MMS22L: variants seen among roughly 807,000 people sequenced by gnomAD.
MMS22L encodes protein MMS22-like.
A neutral mutation model predicts 159.1 loss-of-function variants in MMS22L; 74 were observed. That is an observed-to-expected ratio of 0.47 (90% confidence interval 0.39 to 0.56). The LOEUF (loss-of-function observed/expected upper bound fraction) is 0.56, where lower values mean the gene tolerates loss of function less well. MMS22L is among the 20% of genes least tolerant of loss of function. The pLI is 0.00. For missense variants in MMS22L, 1,351 were observed against 1,422.1 expected (o/e 0.95, Z 0.80); for synonymous variants, 517 against 506.9 (o/e 1.02, Z -0.27).
Position 97,149,882 on chromosome 6 carries a change from T to A in MMS22L, c.3621A>T (p.Lys1207Asn). The A allele has an allele frequency of 6.2e-7, 1 of 1,612,688 alleles. No individual in the cohort carries two copies. Among genetic ancestry groups the A allele is most frequent in the Non-Finnish European group, 8.5e-7 (1 of 1,179,258 alleles). The part of the protein sequence containing the change: ...LTQSLKDSEQ[K>N]WGLGRNIAQR... ...GTGCTATATTCCTGCCAAGGCCCCA[T>A]TTCTGCTCTGAATCCTTCAGAGACT... Residue 1207 changes from lysine (K) to asparagine (N), a missense_variant, in exon 24 of 25, where the codon AAA (lysine) becomes AAT (asparagine). Transcript: ENST00000683635.
chr6:97,261,961 A>C, intron 9 of MMS22L: 1 of 152,164 alleles, frequency 6.6e-6, no homozygotes. Flanking sequence ...TCAGTCTGTA[A>C]ACCCACATAA....
At chr6:97,268,945 G>A (rs77638167) in intron 7 of MMS22L, among the ~76,000 whole-genome samples, 4,285 of 151,834 alleles carry the variant, frequency 0.028, 280 homozygotes, top group East Asian at 0.21. Context: ...TAACAGAAAA[G>A]CAGGTGTAGG....
intron 9 of MMS22L, 60 bp from the exon 10 acceptor site, chr6:97,254,793 G>C: frequency 7.3e-7 from 1 of 1,362,856 alleles, no homozygotes; most frequent in Non-Finnish European, 9.8e-7. Context: ...TTGATTTCGT[G>C]GTTTTTCTCT....
intron 9 of MMS22L, chr6:97,260,977 T>C (rs1814409438): frequency 6.6e-6 from 1 of 152,136 alleles, no homozygotes; most frequent in South Asian, 2.1e-4. Context: ...CAATCACCAA[T>C]GGGTACCATG....
At chr6:97,151,633 T>A in intron 23 of MMS22L, 138 bp downstream of exon 23, 3 of 682,912 alleles carry the variant, frequency 4.4e-6, no homozygotes, top group South Asian at 4.1e-5. Context: ...ACAAAACTAC[T>A]GCCAAAAATA....
rs193185625 is a variant in MMS22L, at chr6:97,166,731, G to C, written c.3010-1274C>G. On this transcript the variant is annotated intron_variant, in intron 20 of 24. Coordinates refer to ENST00000683635, the MANE Select transcript of MMS22L (RefSeq NM_001350599.2). ...TAAATTTACCACTTACGAAGCTTAA[G>C]AGAATTCTTATTAAATGGACTGTTT... Among the ~76,000 whole-genome samples the C allele has an allele frequency of 2.4e-4, 37 of 152,224 alleles. No homozygotes were observed. The East Asian group carries it at 6.6e-3, about 27-fold the overall frequency.
At chr6:97,235,575 G>A (rs1240366977) in intron 11 of MMS22L, among the ~76,000 whole-genome samples, 3 of 152,172 alleles carry the variant, frequency 2.0e-5, no homozygotes, top group Non-Finnish European at 4.4e-5. Flanking sequence ...TCAGAAAAAC[G>A]ACAATGGTGA....
chr6:97,172,983 C>T, intron 19 of MMS22L, 80 bp downstream of exon 19: 1 of 1,353,166 alleles, frequency 7.4e-7, no homozygotes, highest in Non-Finnish European at 1.0e-6. Context: ...GTGATTTAGC[C>T]AATATATACC....
intron 22 of MMS22L, among the ~76,000 whole-genome samples, chr6:97,155,579 TTG>T (rs1239683108): frequency 6.6e-6 from 1 of 152,154 alleles, no homozygotes; most frequent in Non-Finnish European, 1.5e-5. Context: ...TTTTCTCTTC[TTG>T]TGTTAGTTTG....
chr6:97,268,430 T>C (rs866855363), intron 7 of MMS22L, among the ~76,000 whole-genome samples: 11 of 152,134 alleles, frequency 7.2e-5, no homozygotes, highest in Non-Finnish European at 1.6e-4. Context: ...CCTTGTGATC[T>C]GCCCACCTTG....
At chr6:97,203,353 G>A (rs1042779461) in intron 14 of MMS22L, among the ~76,000 whole-genome samples, 2 of 151,936 alleles carry the variant, frequency 1.3e-5, no homozygotes, top group South Asian at 4.2e-4. Context: ...AATATACAGC[G>A]AGACAAAGGG....
intron 11 of MMS22L, among the ~76,000 whole-genome samples, chr6:97,238,605 T>TGTGTGTG (rs1562493371): frequency 7.5e-5 from 9 of 119,872 alleles, no homozygotes; most frequent in African/African-American, 2.4e-4. Flanking sequence ...GTGTGTGTGT[T>TGTGTGTG]TGAGTGTATC....
intron 14 of MMS22L, among the ~76,000 whole-genome samples, chr6:97,195,247 GAAC>G (rs780329286): frequency 3.9e-5 from 6 of 152,106 alleles, no homozygotes; most frequent in East Asian, 1.9e-4. Context: ...CAGACTCAAG[GAAC>G]AACAACCAGG....
rs554591209 is a variant in MMS22L, at chr6:97,182,058, G to C, written c.2234-4C>G. ...TCCATTGCTAGCAAAGTAAAGTCTA[G>C]ATTCAAAATGAGAGAAACTTAAAGT... On this transcript the variant is annotated splice_region_variant and splice_polypyrimidine_tract_variant and intron_variant, in intron 15 of 24. Coordinates refer to ENST00000683635, the MANE Select transcript of MMS22L (RefSeq NM_001350599.2). 27 of 1,602,502 alleles carry C rather than the reference G, an allele frequency of 1.7e-5. No individual in the cohort carries two copies. In the African/African-American group the frequency reaches 3.2e-4, roughly 19 times the overall value.
chr6:97,257,832 T>C (rs1813993028), intron 9 of MMS22L, among the ~76,000 whole-genome samples: 1 of 152,220 alleles, frequency 6.6e-6, no homozygotes, highest in South Asian at 2.1e-4. Flanking sequence ...CCACATTTTC[T>C]GTACTATAAA....
In MMS22L at chr6:97,151,867, A is replaced by C; in HGVS notation, c.3386T>G (p.Val1129Gly). The change falls in exon 23 of 25, where the codon GTT becomes GGT. Residue 1129 changes from valine to glycine, a missense_variant and splice_region_variant. Transcript: ENST00000683635. ...CAGGTTCTCTGTGGCCAGCCTTTTAACTAGAAGGAAAAATTACAGCATTAG... is the reference window on the plus strand; with the variant it reads ...CAGGTTCTCTGTGGCCAGCCTTTTACCTAGAAGGAAAAATTACAGCATTAG... Reference protein sequence around the residue: ...KCLVLVSEPQVKRLATENLQY... With the variant: ...KCLVLVSEPQGKRLATENLQY... 6.2e-7 allele frequency: 1 copy of C among 1,613,054 alleles called. No homozygotes were observed. Among genetic ancestry groups the C allele is most frequent in the Non-Finnish European group, 8.5e-7 (1 of 1,179,216 alleles).
chr6:97,258,737 C>T (rs926141965), intron 9 of MMS22L: 10 of 152,158 alleles, frequency 6.6e-5, no homozygotes, highest in African/African-American at 2.4e-4. Context: ...CTAATCCTCA[C>T]ATAACAATGT....
intron 12 of MMS22L, among the ~76,000 whole-genome samples, chr6:97,232,643 C>T (rs1052581607): frequency 2.6e-5 from 4 of 152,064 alleles, no homozygotes; most frequent in African/African-American, 9.7e-5. Context: ...ACCTTTCCTG[C>T]TTTCTGGTAT....
Position 97,179,510 on chromosome 6 carries a change from A to T in MMS22L, c.2434T>A (p.Leu812Ile), listed in dbSNP as rs1804478855. 6.2e-7 allele frequency: 1 copy of T among 1,613,270 alleles called. No homozygotes were observed. Among genetic ancestry groups the T allele is most frequent in the Admixed American group, 1.7e-5 (1 of 59,958 alleles). Residue 812 changes from leucine (L) to isoleucine (I), a missense_variant, in exon 17 of 25, where the codon TTA becomes ATA. Transcript: ENST00000683635. ...SHSGYVSFQA[L>I]TVRSWIRCVL... Reference sequence around the variant, plus strand: ...CAACGAATCCATGATCTTACGGTTAAGGCTTGAAAAGATACATAGCCTGAA... The same window carrying T: ...CAACGAATCCATGATCTTACGGTTATGGCTTGAAAAGATACATAGCCTGAA...
Sources: gnomAD v4.1 joint callset for allele counts (sites outside exome capture counted in the v4.1 genomes callset) on GRCh38, gnomAD v4.1.1 for gene constraint, MANE v1.5 for transcripts, NCBI Gene and HGNC (gene_info 2026-07-23, HGNC 2026-07-21) for gene names.